Variants in SGCD observed in about 807,000 individuals in gnomAD.
SGCD encodes delta-sarcoglycan.
Under a neutral mutation model 36.6 loss-of-function variants are expected in SGCD, and 18 were observed. The ratio of observed to expected loss-of-function variants is 0.49; its 90% CI spans 0.34 to 0.73. The LOEUF (loss-of-function observed/expected upper bound fraction) is 0.73, where lower values mean the gene tolerates loss of function less well. Among genes scored for constraint, SGCD ranks in the 30% least tolerant of loss-of-function variants. SGCD has a pLI of 0.01. For synonymous variants in SGCD, 133 were observed against 130.6 expected, an observed-to-expected ratio of 1.02 and a Z score of -0.12; for missense variants, 387 against 346.7, an observed-to-expected ratio of 1.12 and a Z score of -0.92.
chr5:156,324,662 G>A (rs1374586800), upstream of SGCD, among the ~76,000 whole-genome samples: 1 of 152,274 alleles, frequency 6.6e-6, no homozygotes, highest in East Asian at 1.9e-4. Context: ...AGCATTGTTT[G>A]ATTAGGGCTG....
chr5:156,345,233 G>T (rs1423095862), intron 3 of SGCD, among the ~76,000 whole-genome samples: 1 of 151,698 alleles, frequency 6.6e-6, no homozygotes, highest in Non-Finnish European at 1.5e-5. Context: ...GAATGTAGCT[G>T]TGTTTCATTT....
At chr5:156,353,055 G>A (rs1054107182) in intron 3 of SGCD, among the ~76,000 whole-genome samples, 3 of 152,200 alleles carry the variant, frequency 2.0e-5, no homozygotes, top group African/African-American at 7.2e-5. Flanking sequence ...TGGACACATT[G>A]TAAAACAGTA....
chr5:155,886,552 G>T (rs1196545296), intron 1 of SGCD, among the ~76,000 whole-genome samples: 1 of 152,160 alleles, frequency 6.6e-6, no homozygotes, highest in Non-Finnish European at 1.5e-5. Context: ...GTGCATGCAT[G>T]TGCAGCCTCA....
chr5:156,311,986 A>T (rs948277710), intron 3 of SGCD, among the ~76,000 whole-genome samples: 1 of 152,226 alleles, frequency 6.6e-6, no homozygotes, highest in Non-Finnish European at 1.5e-5. Context: ...GTAAAGTAAC[A>T]GTTCCATGCC....
intron 1 of SGCD, among the ~76,000 whole-genome samples, chr5:155,975,412 C>A (rs1207973837): frequency 6.6e-6 from 1 of 152,020 alleles, no homozygotes; most frequent in Non-Finnish European, 1.5e-5. Context: ...CAACAATGCA[C>A]AGGACGGTCC....
At chr5:156,634,940 C>G (rs1424630046) in intron 6 of SGCD, among the ~76,000 whole-genome samples, 1 of 152,122 alleles carries the variant, frequency 6.6e-6, no homozygotes, top group East Asian at 1.9e-4. Context: ...GCGGAACTTC[C>G]TGGCTGGATG....
At chr5:156,047,411 G>A (rs987311683) in intron 1 of SGCD, among the ~76,000 whole-genome samples, 2 of 152,100 alleles carry the variant, frequency 1.3e-5, no homozygotes, top group South Asian at 2.1e-4. Context: ...TCAATGCCTG[G>A]CCTCATTGCT....
intron 3 of SGCD, among the ~76,000 whole-genome samples, chr5:156,362,807 C>G (rs538841956): frequency 6.6e-6 from 1 of 152,140 alleles, no homozygotes; most frequent in Non-Finnish European, 1.5e-5. Flanking sequence ...TCACAGCAAC[C>G]TTCAAACATT....
At chr5:156,535,243 C>A (rs1355996607) in intron 4 of SGCD, among the ~76,000 whole-genome samples, 1 of 152,114 alleles carries the variant, frequency 6.6e-6, no homozygotes, top group Non-Finnish European at 1.5e-5. Flanking sequence ...ATGGGGTATA[C>A]CCACAAGCAA....
At chr5:155,739,873 T>G in the SGCD span, among the ~76,000 whole-genome samples, 500 of 152,280 alleles carry the variant, frequency 3.3e-3, 1 homozygote, top group African/African-American at 0.012. Context: ...TATTTAAACT[T>G]ATAGATTTTT....
chr5:156,331,991 G>C (rs1446873601), intron 2 of SGCD, among the ~76,000 whole-genome samples: 1 of 152,104 alleles, frequency 6.6e-6, no homozygotes, highest in Non-Finnish European at 1.5e-5. Context: ...ATTCACCCTT[G>C]CAAGTTTCTT....
At position 156,183,799 on chromosome 5, in the gene SGCD, G is replaced by T. The variant is rs1763666542; in HGVS notation, c.-44+59780G>T. 2.6e-5 allele frequency among the ~76,000 whole-genome samples: 4 copies of T among 152,104 alleles called. 1 individual carries two copies. The South Asian group carries it at 8.3e-4, about 32-fold the overall frequency. On this transcript the variant is annotated intron_variant, in intron 3 of 9. Transcript: ENST00000517913. ...AGAGGAAGGGGAGAGAAAGTAAGTG[G>T]GGGTGGCAGAGTGGCTGGTAATACA... is the stretch of plus-strand genomic sequence containing the variant.
chr5:156,228,465 C>T (rs1764913021), intron 3 of SGCD, among the ~76,000 whole-genome samples: 1 of 152,126 alleles, frequency 6.6e-6, no homozygotes, highest in African/African-American at 2.4e-5. Flanking sequence ...GCTACCCCTG[C>T]TTGCTTTTGA....
At chr5:156,531,591 G>A (rs1037911457) in intron 4 of SGCD, among the ~76,000 whole-genome samples, 4 of 152,054 alleles carry the variant, frequency 2.6e-5, no homozygotes, top group African/African-American at 9.7e-5. Flanking sequence ...GGTCCTGTTC[G>A]ATCCAGCAAC....
chr5:156,707,931 T>A (rs575157422), intron 7 of SGCD, among the ~76,000 whole-genome samples: 1 of 152,240 alleles, frequency 6.6e-6, no homozygotes, highest in South Asian at 2.1e-4. Flanking sequence ...TTTCCCAAAG[T>A]GTGGAGAGCA....
intron 7 of SGCD, among the ~76,000 whole-genome samples, chr5:156,716,967 T>G (rs1292768687): frequency 3.3e-5 from 5 of 152,356 alleles, no homozygotes; most frequent in Admixed American, 6.5e-5. Context: ...GGAAACAACA[T>G]GAGTCATCTT....
At chr5:156,345,453 C>T (rs1476375401) in intron 3 of SGCD, among the ~76,000 whole-genome samples, 1 of 152,112 alleles carries the variant, frequency 6.6e-6, no homozygotes, top group African/African-American at 2.4e-5. Context: ...TGAGGAAATA[C>T]TGGGCAGCAG....
chr5:156,057,754 T>C (rs562267885), intron 1 of SGCD, among the ~76,000 whole-genome samples: 1 of 146,046 alleles, frequency 6.8e-6, no homozygotes, highest in Non-Finnish European at 1.5e-5. Flanking sequence ...GATGGAAGGA[T>C]TTGGGCACTA....
the SGCD span, among the ~76,000 whole-genome samples, chr5:155,780,369 G>T: frequency 1.3e-5 from 2 of 152,160 alleles, no homozygotes; most frequent in African/African-American, 2.4e-5. Flanking sequence ...TCTTTGTGGA[G>T]CCAATTAAAG....
Sources: allele counts gnomAD v4.1 joint callset (sites outside exome capture counted in the v4.1 genomes callset), GRCh38; gene constraint gnomAD v4.1.1; transcripts MANE v1.5; gene names NCBI Gene and HGNC (gene_info 2026-07-23, HGNC 2026-07-21).